Variants in HYAL4 observed in about 807,000 individuals in gnomAD.
The protein encoded by HYAL4 is hyaluronidase 4.
A neutral mutation model predicts 35.2 loss-of-function variants in HYAL4; 37 were observed. The observed-to-expected ratio is 1.05, with a 90% confidence interval of 0.81 to 1.38. The LOEUF (loss-of-function observed/expected upper bound fraction) is 1.38. Ranked by LOEUF, HYAL4 falls within the 40% of genes most tolerant of loss-of-function variation. The pLI is 0.00. For synonymous variants in HYAL4, 198 were observed against 203.2 expected (o/e 0.97, Z 0.22); for missense variants, 572 against 572.4 (o/e 1.00, Z 0.01).
the HYAL4 span, among the ~76,000 whole-genome samples, chr7:123,785,723 C>G: frequency 6.6e-6 from 1 of 152,154 alleles, no homozygotes; most frequent in Non-Finnish European, 1.5e-5. The surrounding 1 kb of genome is among the most constrained non-coding windows in gnomAD (Gnocchi z 4.5). Flanking sequence ...ATTTTTACTT[C>G]CCTTTTGCTT....
intron 2 of HYAL4, among the ~76,000 whole-genome samples, chr7:123,859,360 T>G (rs1259140901): frequency 1.3e-5 from 2 of 152,224 alleles, no homozygotes; most frequent in Non-Finnish European, 2.9e-5. Flanking sequence ...TCACCGGTAT[T>G]GTGCATTACA....
the HYAL4 span, among the ~76,000 whole-genome samples, chr7:123,782,490 A>G: frequency 6.6e-6 from 1 of 152,212 alleles, no homozygotes; most frequent in Admixed American, 6.5e-5. Flanking sequence ...TCTCTTGGCC[A>G]TATTGATTTA....
Position 123,875,897 on chromosome 7 carries a change from T to G in HYAL4, c.1045-857T>G, listed in dbSNP as rs1196559297. On this transcript the variant is annotated intron_variant, in intron 4 of 4. Coordinates refer to ENST00000223026, the MANE Select transcript of HYAL4 (RefSeq NM_012269.3). Reference sequence around the variant, plus strand: ...ATTTTTTTGCAAGTCCATGATGATCTGATATTATTCTCAGAATTTCACAGT... The same window carrying G: ...ATTTTTTTGCAAGTCCATGATGATCGGATATTATTCTCAGAATTTCACAGT... 2.3e-5 allele frequency: 9 copies of G among 388,708 alleles called. No individual in the cohort carries two copies. The East Asian group carries it at 6.7e-4, about 29-fold the overall frequency. 24.1% of individuals were successfully genotyped at this position (388,708 alleles called of 1,614,324 possible). A position where few individuals can be genotyped will look rare whatever the true frequency, so the allele number is the denominator to read the frequency against.
chr7:123,793,858 C>T, the HYAL4 span, among the ~76,000 whole-genome samples: 19 of 152,164 alleles, frequency 1.2e-4, no homozygotes, highest in Middle Eastern at 3.4e-3. Context: ...AATGTGGAAG[C>T]GACTTTGGAA....
the HYAL4 span, among the ~76,000 whole-genome samples, chr7:123,787,203 A>G: frequency 3.9e-5 from 6 of 152,032 alleles, no homozygotes; most frequent in Non-Finnish European, 8.8e-5. Context: ...CCTTGTAAAC[A>G]TGACTATGAT....
chr7:123,796,404 A>G, the HYAL4 span, among the ~76,000 whole-genome samples: 1 of 152,230 alleles, frequency 6.6e-6, no homozygotes, highest in Admixed American at 6.5e-5. Context: ...TAGCCTTTCA[A>G]GTTGTAATTA....
chr7:123,848,990 A>C (rs1806236283), intron 2 of HYAL4, among the ~76,000 whole-genome samples: 1 of 152,214 alleles, frequency 6.6e-6, no homozygotes. Flanking sequence ...AAATAAATAA[A>C]CATATACATA....
chr7:123,870,118 T>TTTA (rs1230535609), intron 3 of HYAL4, among the ~76,000 whole-genome samples: 1 of 152,202 alleles, frequency 6.6e-6, no homozygotes, highest in African/African-American at 2.4e-5. Context: ...TTTAATATAT[T>TTTA]TTAACAGAGG....
chr7:123,785,262 T>C, the HYAL4 span, among the ~76,000 whole-genome samples: 1 of 152,144 alleles, frequency 6.6e-6, no homozygotes, highest in Admixed American at 6.5e-5. This position sits in a 1 kb window ranked among gnomAD's most constrained non-coding sequence, Gnocchi z 4.5. Flanking sequence ...TTTTTTTTTA[T>C]TATCTGTAGA....
chr7:123,801,175 T>C, the HYAL4 span, among the ~76,000 whole-genome samples: 1 of 152,146 alleles, frequency 6.6e-6, no homozygotes, highest in Non-Finnish European at 1.5e-5. Flanking sequence ...AATCAGCCAA[T>C]GAGAATATGG....
At chr7:123,817,510 CTT>C in the HYAL4 span, among the ~76,000 whole-genome samples, 7 of 122,156 alleles carry the variant, frequency 5.7e-5, no homozygotes, top group Admixed American at 9.3e-5. Flanking sequence ...CATTCTTCTT[CTT>C]TTTTTTTTTT....
intron 1 of HYAL4, among the ~76,000 whole-genome samples, chr7:123,832,382 C>T (rs1805896657): frequency 6.7e-6 from 1 of 149,950 alleles, no homozygotes; most frequent in African/African-American, 2.5e-5. Context: ...GTGCTGCCAT[C>T]ACCCGAGCAG....
intron 1 of HYAL4, among the ~76,000 whole-genome samples, chr7:123,832,763 G>A (rs1469849267): frequency 2.0e-5 from 3 of 151,746 alleles, no homozygotes; most frequent in African/African-American, 4.8e-5. Flanking sequence ...GGCCCCCCAG[G>A]CGTGAGCCAC....
At chr7:123,839,092 T>C (rs1233008114) in intron 1 of HYAL4, among the ~76,000 whole-genome samples, 1 of 152,054 alleles carries the variant, frequency 6.6e-6, no homozygotes, top group African/African-American at 2.4e-5. Context: ...ACCCATCAAC[T>C]TATCATTTAC....
intron 2 of HYAL4, among the ~76,000 whole-genome samples, chr7:123,862,789 C>G (rs894211351): frequency 4.6e-5 from 7 of 152,180 alleles, no homozygotes; most frequent in African/African-American, 1.4e-4. Flanking sequence ...AGGCTTGCCT[C>G]AACACAGCAG....
intron 2 of HYAL4, among the ~76,000 whole-genome samples, chr7:123,862,020 G>T (rs1300096299): frequency 1.3e-5 from 2 of 152,082 alleles, no homozygotes; most frequent in Non-Finnish European, 2.9e-5. Context: ...GAGCCAGCTT[G>T]CAGAGCATTG....
chr7:123,869,857 T>G, intron 3 of HYAL4, among the ~76,000 whole-genome samples: 1 of 129,750 alleles, frequency 7.7e-6, no homozygotes, highest in South Asian at 2.6e-4. Flanking sequence ...ACCCAGCTAA[T>G]TTTTGTACTT....
upstream of HYAL4, among the ~76,000 whole-genome samples, chr7:123,841,574 C>G (rs1457266803): frequency 3.9e-5 from 6 of 151,980 alleles, no homozygotes; most frequent in Non-Finnish European, 8.8e-5. Context: ...ATGGTACCAG[C>G]TCATCTTAGT....
the HYAL4 span, among the ~76,000 whole-genome samples, chr7:123,789,819 T>C: frequency 6.6e-6 from 1 of 152,086 alleles, no homozygotes; most frequent in African/African-American, 2.4e-5. Flanking sequence ...CAAATATGTA[T>C]GTGTATGTGT....
Sources: gnomAD v4.1 joint callset for allele counts (sites outside exome capture counted in the v4.1 genomes callset) on GRCh38, gnomAD v4.1.1 for gene constraint, Gnocchi (gnomAD v3.1) non-coding constraint, MANE v1.5 for transcripts, NCBI Gene and HGNC (gene_info 2026-07-23, HGNC 2026-07-21) for gene names.